MMS22L: variants seen among roughly 807,000 people sequenced by gnomAD.
The protein encoded by MMS22L is protein MMS22-like.
MMS22L carries 74 observed loss-of-function variants against 159.1 expected under a neutral mutation model. The observed-to-expected ratio is 0.47, with a 90% confidence interval of 0.39 to 0.56. The LOEUF (loss-of-function observed/expected upper bound fraction) is 0.56, where lower values mean the gene tolerates loss of function less well. Among genes scored for constraint, MMS22L ranks in the 20% least tolerant of loss-of-function variants. MMS22L has a pLI of 0.00. For synonymous variants in MMS22L, 517 were observed against 506.9 expected (o/e 1.02, Z -0.27); for missense variants, 1,351 against 1,422.1 (o/e 0.95, Z 0.80).
At position 97,229,063 on chromosome 6, in the gene MMS22L, G is replaced by C; in HGVS notation, c.1870C>G (p.Leu624Val). 1 of 1,614,130 alleles carries C rather than the reference G, an allele frequency of 6.2e-7. No homozygotes were observed. Among genetic ancestry groups the C allele is most frequent in the Admixed American group, 1.7e-5 (1 of 60,016 alleles). ...MVQRQTIWTL[L>V]SIYIDGVQEV... is the part of the protein sequence containing the mutation. ...TGAACACCATCAATGTATATGGAAA[G>C]AAGGGTCCAGATAGTCTGTCTCTGT... The change falls in exon 14 of 25, where the codon CTT becomes GTT. Residue 624 changes from leucine to valine, a missense_variant. Transcript: ENST00000683635.
At chr6:97,177,360 T>C (rs1395606080) in intron 18 of MMS22L, among the ~76,000 whole-genome samples, 2 of 152,164 alleles carry the variant, frequency 1.3e-5, no homozygotes, top group African/African-American at 4.8e-5. Flanking sequence ...AGTCTTTGTG[T>C]ATGTCTTATA....
At position 97,272,806 on chromosome 6, in the gene MMS22L, T is replaced by C; in HGVS notation, c.504A>G (p.Ser168=). The change falls in exon 6 of 25, where the codon TCA becomes TCG. Residue 168 remains serine, a synonymous_variant. Transcript: ENST00000683635. ...PYEALEAQLP[S]VLIDELHGLL... ...ATCCATGAAGCTCATCAATCAACAC[T>C]GAGGGAAGCTGAGCCTCCAAAGCCT... The C allele has an allele frequency of 6.2e-7, 1 of 1,614,006 alleles. No homozygotes were observed. Among genetic ancestry groups the C allele is most frequent in the Non-Finnish European group, 8.5e-7 (1 of 1,179,940 alleles).
Position 97,144,105 on chromosome 6 carries a change from CAAAAAAAAAA to C in MMS22L, c.*2691_*2700del, listed in dbSNP as rs34856577. On this transcript the variant is annotated 3_prime_UTR_variant, in exon 25 of 25. Coordinates refer to ENST00000683635, the MANE Select transcript of MMS22L (RefSeq NM_001350599.2). The stretch of plus-strand genomic sequence containing the variant: ...CTCAAAACAACAACAACAACAACAA[CAAAAAAAAAA>C]AAAAAAAAAAAAAGAGAGAGAAAAG... 1.3e-3 allele frequency: 115 copies of C among 87,340 alleles called. 2 individuals carry two copies. The highest frequency in any genetic ancestry group is 5.7e-3 in the Admixed American group (43 of 7,544). The allele number at this position is 87,340 out of a possible 1,614,324, so 5.4% of individuals were successfully genotyped here.
chr6:97,196,424 C>T (rs1285763079), intron 14 of MMS22L, among the ~76,000 whole-genome samples: 2 of 152,160 alleles, frequency 1.3e-5, no homozygotes, highest in East Asian at 1.9e-4. Context: ...TACTAGTAGA[C>T]GGTATTACCT....
At chr6:97,239,914 A>C (rs1811869857) in intron 11 of MMS22L, among the ~76,000 whole-genome samples, 1 of 152,204 alleles carries the variant, frequency 6.6e-6, no homozygotes. Context: ...CTGTCTCTTT[A>C]AACAAAAAAT....
At chr6:97,257,825 C>T (rs1423222410) in intron 9 of MMS22L, among the ~76,000 whole-genome samples, 2 of 152,100 alleles carry the variant, frequency 1.3e-5, no homozygotes, top group East Asian at 3.9e-4. Context: ...GTACCTGCCA[C>T]ATTTTCTGTA....
At chr6:97,245,758 TTA>T (rs1812550565) in intron 11 of MMS22L, among the ~76,000 whole-genome samples, 1 of 151,948 alleles carries the variant, frequency 6.6e-6, no homozygotes, top group South Asian at 2.1e-4. Context: ...CTAAATGCCT[TTA>T]TGTTTCCTAA....
At chr6:97,149,523 C>A (rs962442040) in intron 24 of MMS22L, among the ~76,000 whole-genome samples, 7 of 152,096 alleles carry the variant, frequency 4.6e-5, no homozygotes, top group Non-Finnish European at 1.0e-4. Flanking sequence ...AAAAACAAGA[C>A]ATCCAAGGCT....
chr6:97,195,260 G>A (rs1806368957), intron 14 of MMS22L, among the ~76,000 whole-genome samples: 2 of 152,138 alleles, frequency 1.3e-5, no homozygotes, highest in African/African-American at 4.8e-5. Context: ...CAACAACCAG[G>A]AGTCCAAAGT....
At chr6:97,208,357 A>G (rs550338061) in intron 14 of MMS22L, among the ~76,000 whole-genome samples, 1 of 152,250 alleles carries the variant, frequency 6.6e-6, no homozygotes, top group African/African-American at 2.4e-5. Context: ...TATAATCACC[A>G]TTCAACAGAC....
At chr6:97,190,119 A>G (rs1284737908) in intron 14 of MMS22L, among the ~76,000 whole-genome samples, 2 of 152,230 alleles carry the variant, frequency 1.3e-5, no homozygotes, top group African/African-American at 4.8e-5. Context: ...ACCACTGCAT[A>G]TCTGCTGAAG....
intron 18 of MMS22L, among the ~76,000 whole-genome samples, chr6:97,174,299 T>G (rs990469983): frequency 1.3e-5 from 2 of 150,388 alleles, no homozygotes; most frequent in African/African-American, 2.4e-5. Context: ...TTAAGTAAAC[T>G]AATAAAATTT....
intron 13 of MMS22L, chr6:97,230,891 GAGGTCTCAACA>G (rs1810790721): frequency 6.5e-6 from 1 of 153,418 alleles, no homozygotes; most frequent in East Asian, 1.9e-4. Context: ...TCTTCCCTGA[GAGGTCTCAACA>G]AATAATCTGA....
Position 97,263,343 on chromosome 6 carries a change from C to T in MMS22L, c.934G>A (p.Val312Ile). Residue 312 changes from valine to isoleucine, a missense_variant, in exon 9 of 25, where the codon GTC becomes ATC. Transcript: ENST00000683635. ...TCAATTTTCCAACTTACTTCCGAGA[C>T]AAACCATTTACTTCTGTGGTCTAGA... ...HLLDHRSKWF[V>I]SESFWNWLNK... The T allele has an allele frequency of 1.3e-6, 2 of 1,579,008 alleles. No homozygotes were observed. Among genetic ancestry groups the T allele is most frequent in the Non-Finnish European group, 1.7e-6 (2 of 1,163,764 alleles).
At chr6:97,249,724 A>AT (rs1813043466) in intron 10 of MMS22L, among the ~76,000 whole-genome samples, 1 of 106,756 alleles carries the variant, frequency 9.4e-6, no homozygotes, top group Non-Finnish European at 2.0e-5. Context: ...ACCAATAACC[A>AT]ATTTTTTTTT....
At chr6:97,161,924 TC>T (rs1457367046) in intron 22 of MMS22L, 77 bp downstream of exon 22, 2 of 1,337,392 alleles carry the variant, frequency 1.5e-6, no homozygotes, top group East Asian at 4.7e-5. Flanking sequence ...TTTGTAACTA[TC>T]CATTAAATTG....
chr6:97,175,433 C>T (rs1410943142), intron 18 of MMS22L, among the ~76,000 whole-genome samples: 2 of 152,140 alleles, frequency 1.3e-5, no homozygotes, highest in African/African-American at 4.8e-5. Context: ...TATACCAAAA[C>T]TTGACAAGTG....
chr6:97,192,911 T>C (rs1255397983), intron 14 of MMS22L, among the ~76,000 whole-genome samples: 1 of 152,236 alleles, frequency 6.6e-6, no homozygotes, highest in African/African-American at 2.4e-5. Context: ...GCTTGGGTCA[T>C]GCTCTTAGTA....
chr6:97,176,921 T>A (rs1804185741), intron 18 of MMS22L, among the ~76,000 whole-genome samples: 1 of 152,138 alleles, frequency 6.6e-6, no homozygotes, highest in East Asian at 1.9e-4. Flanking sequence ...AACCGAGGGA[T>A]AATCTTGGGG....
Sources: allele counts gnomAD v4.1 joint callset (sites outside exome capture counted in the v4.1 genomes callset), GRCh38; gene constraint gnomAD v4.1.1; transcripts MANE v1.5; gene names NCBI Gene and HGNC (gene_info 2026-07-23, HGNC 2026-07-21).